The following UGGT2 variants were observed in gnomAD, a reference collection of about 807,000 sequenced individuals.
UGGT2 encodes the protein UDP-glucose glycoprotein glucosyltransferase 2.
UGGT2 carries 180 observed loss-of-function variants against 192.1 expected under a neutral mutation model. The ratio of observed to expected loss-of-function variants is 0.94; its 90% CI spans 0.83 to 1.06. The LOEUF (loss-of-function observed/expected upper bound fraction) is 1.06, where lower values mean the gene tolerates loss of function less well. UGGT2 is among the 50% of genes least tolerant of loss of function. The pLI, the probability that UGGT2 is intolerant of heterozygous loss-of-function variation, is 0.00. For synonymous variants in UGGT2, 580 were observed against 591.0 expected (o/e 0.98, Z 0.27); for missense variants, 1,849 against 1,795.7 (o/e 1.03, Z -0.54).
chr13:95,809,905 C>A (rs546167061), intron 38 of UGGT2, among the ~76,000 whole-genome samples: 6 of 152,230 alleles, frequency 3.9e-5, no homozygotes, highest in African/African-American at 1.4e-4. Context: ...TACAGGTAAG[C>A]CTTTCTTATA....
At chr13:95,809,391 C>A in intron 38 of UGGT2, 1 of 400,858 alleles carries the variant, frequency 2.5e-6, no homozygotes, top group Non-Finnish European at 4.9e-6. Flanking sequence ...GCAGGCAAAT[C>A]TTCTTTACTT....
chr13:95,989,284 G>A (rs1253362635), intron 8 of UGGT2, among the ~76,000 whole-genome samples: 1 of 152,032 alleles, frequency 6.6e-6, no homozygotes, highest in Non-Finnish European at 1.5e-5. Flanking sequence ...TATATCATCT[G>A]AGATATAAAA....
In UGGT2 at chr13:95,801,913, A is replaced by T. The variant is rs1884075542; in HGVS notation, c.4529-101T>A. The T allele has an allele frequency of 7.9e-6, 11 of 1,396,802 alleles. No individual in the cohort carries two copies. In the South Asian group the frequency reaches 1.2e-4, roughly 15 times the overall value. 86.5% of individuals were successfully genotyped at this position (1,396,802 alleles called of 1,614,324 possible). A position where few individuals can be genotyped will look rare whatever the true frequency, so the allele number is the denominator to read the frequency against. On this transcript the variant is annotated intron_variant, in intron 38 of 38. Transcript: ENST00000376747. ...GAGGAAGCACCGGTACTGACTGAGG[A>T]TCCTTTATTTGCTAGTTCAGTACCT...
At chr13:95,892,338 G>A (rs2047826233) in intron 24 of UGGT2, among the ~76,000 whole-genome samples, 1 of 152,032 alleles carries the variant, frequency 6.6e-6, no homozygotes, top group African/African-American at 2.4e-5. Context: ...GAATAGAACA[G>A]AACATCCTAT....
rs139369593 is a variant in UGGT2 at position 95,970,229 on chromosome 13, C to A, written c.1218G>T (p.Met406Ile). The A allele has an allele frequency of 1.0e-4, 166 of 1,612,810 alleles. No individual in the cohort carries two copies. Among genetic ancestry groups the A allele is most frequent in the Non-Finnish European group, 1.4e-4 (162 of 1,179,312 alleles). Reference protein sequence around the residue: ...ILDMLKLEGKMMNGLRNLGIN... With the variant: ...ILDMLKLEGKIMNGLRNLGIN... ...TCCCAAGATTGCGAAGGCCATTCAT[C>A]ATTTTTCCTTCTAATTTCAGCATAT... is the stretch of plus-strand genomic sequence containing the variant. The change falls in exon 12 of 39, where the codon ATG becomes ATT. Residue 406 changes from methionine to isoleucine, a missense_variant. Coordinates refer to ENST00000376747, the MANE Select transcript of UGGT2 (RefSeq NM_020121.4).
chr13:95,907,161 G>A (rs181084607), intron 20 of UGGT2, among the ~76,000 whole-genome samples: 4 of 152,360 alleles, frequency 2.6e-5, no homozygotes, highest in African/African-American at 4.8e-5. Context: ...CACTGCTAGC[G>A]CAGCTGTCTG....
rs762475364 is a variant in UGGT2 at position 95,825,311 on chromosome 13, A to G, written c.4528+7616T>C. ...AAGCAGGTGGTAAATGTAATATCCA[A>G]TGGTGGACAGAGGTACCAGCCTTGA... On this transcript the variant is annotated intron_variant, in intron 38 of 38. Coordinates refer to ENST00000376747, the MANE Select transcript of UGGT2 (RefSeq NM_020121.4). Among the ~76,000 whole-genome samples, 3 of 152,152 alleles carry G rather than the reference A, an allele frequency of 2.0e-5. No individual in the cohort carries two copies. The East Asian group carries it at 5.8e-4, about 29-fold the overall frequency.
At chr13:95,896,562 T>C (rs1374179939) in intron 22 of UGGT2, among the ~76,000 whole-genome samples, 1 of 152,092 alleles carries the variant, frequency 6.6e-6, no homozygotes, top group African/African-American at 2.4e-5. Flanking sequence ...GGCAGTTTTG[T>C]TAGTAACATT....
intron 37 of UGGT2, among the ~76,000 whole-genome samples, chr13:95,835,681 T>C (rs1238515716): frequency 6.6e-6 from 1 of 152,188 alleles, no homozygotes; most frequent in Admixed American, 6.5e-5. Context: ...TCAGTGAAGA[T>C]CTTGTAAACA....
At chr13:95,812,445 A>C (rs1353792750) in intron 38 of UGGT2, among the ~76,000 whole-genome samples, 1 of 152,194 alleles carries the variant, frequency 6.6e-6, no homozygotes, top group Non-Finnish European at 1.5e-5. Context: ...CTTATATACT[A>C]ACAGATTTTA....
chr13:96,008,228 ACAAT>A (rs1160200791), intron 5 of UGGT2, among the ~76,000 whole-genome samples: 2 of 152,212 alleles, frequency 1.3e-5, no homozygotes, highest in African/African-American at 4.8e-5. Context: ...AGCAAAGGAA[ACAAT>A]CAACACAGTG....
chr13:95,886,031 CT>C (rs2047636460), intron 26 of UGGT2, among the ~76,000 whole-genome samples: 1 of 151,980 alleles, frequency 6.6e-6, no homozygotes, highest in Non-Finnish European at 1.5e-5. Context: ...ATGAAAAAAG[CT>C]AGTATAGAGA....
intron 29 of UGGT2, among the ~76,000 whole-genome samples, chr13:95,876,368 G>A (rs922495898): frequency 2.6e-5 from 4 of 152,208 alleles, no homozygotes; most frequent in African/African-American, 9.6e-5. Flanking sequence ...TTGAGGCTGG[G>A]CAATAGCCTG....
At position 95,887,725 on chromosome 13, in the gene UGGT2, T is replaced by C. The variant is rs11842396; in HGVS notation, c.3038+167A>G. Among the ~76,000 whole-genome samples the C allele has an allele frequency of 0.36, 55,226 of 151,758 alleles. 10,303 individuals are homozygous for C. The highest frequency in any genetic ancestry group is 0.42 in the Middle Eastern group (123 of 294). On this transcript the variant is annotated intron_variant, in intron 26 of 38. Transcript: ENST00000376747. ...CTGAGTTAGGTTATTTTAATTTTTA[T>C]ATCAATTTTAAGTCAGTTAAGGTTA...
At chr13:96,042,754 A>G (rs553876028) in intron 1 of UGGT2, among the ~76,000 whole-genome samples, 1 of 152,282 alleles carries the variant, frequency 6.6e-6, no homozygotes, top group East Asian at 1.9e-4. Flanking sequence ...AATAAGCAGA[A>G]GAAAGAACTT....
At chr13:95,839,639 C>T (rs1293052555) in intron 36 of UGGT2, among the ~76,000 whole-genome samples, 2 of 152,148 alleles carry the variant, frequency 1.3e-5, no homozygotes, top group South Asian at 2.1e-4. Context: ...TTTCAACTCT[C>T]TTGGGTATAT....
At chr13:95,930,939 A>G (rs1245477034) in intron 17 of UGGT2, among the ~76,000 whole-genome samples, 1 of 152,156 alleles carries the variant, frequency 6.6e-6, no homozygotes, top group Non-Finnish European at 1.5e-5. Context: ...TGAGCAGCAG[A>G]AAGATTTACT....
chr13:95,834,184 ATGTTT>A (rs1200482240), intron 37 of UGGT2, among the ~76,000 whole-genome samples: 1 of 151,284 alleles, frequency 6.6e-6, no homozygotes, highest in African/African-American at 2.4e-5. Flanking sequence ...TAAAAATATT[ATGTTT>A]TGTTTAGCTA....
intron 38 of UGGT2, among the ~76,000 whole-genome samples, chr13:95,816,644 C>T (rs1305027396): frequency 6.6e-6 from 1 of 152,142 alleles, no homozygotes; most frequent in Non-Finnish European, 1.5e-5. Context: ...AGAATATATA[C>T]TTATTCAATG....
Sources: allele counts gnomAD v4.1 joint callset (sites outside exome capture counted in the v4.1 genomes callset), GRCh38; gene constraint gnomAD v4.1.1; transcripts MANE v1.5; gene names NCBI Gene and HGNC (gene_info 2026-07-23, HGNC 2026-07-21).